Variants in PDE1C observed in about 807,000 individuals in gnomAD.
The protein encoded by PDE1C is dual specificity calcium/calmodulin-dependent 3',5'-cyclic nucleotide phosphodiesterase 1C.
A neutral mutation model predicts 93.1 loss-of-function variants in PDE1C; 62 were observed. The ratio of observed to expected loss-of-function variants is 0.67; its 90% CI spans 0.54 to 0.82. PDE1C has a LOEUF of 0.82. Among genes scored for constraint, PDE1C ranks in the 40% least tolerant of loss-of-function variants. PDE1C has a pLI of 0.00. For missense variants in PDE1C, 742 were observed against 884.6 expected (o/e 0.84, Z 2.04); for synonymous variants, 325 against 310.1 (o/e 1.05, Z -0.50).
At chr7:32,416,769 G>A (rs758955180) in intron 1 of PDE1C, among the ~76,000 whole-genome samples, 6 of 152,112 alleles carry the variant, frequency 3.9e-5, no homozygotes, top group Non-Finnish European at 4.4e-5. Flanking sequence ...TTTGGAAAAA[G>A]TGAAGAGTCT....
chr7:31,664,915 T>C, the PDE1C span, among the ~76,000 whole-genome samples: 1 of 152,184 alleles, frequency 6.6e-6, no homozygotes, highest in Non-Finnish European at 1.5e-5. Flanking sequence ...AGAGTGGCCT[T>C]TTATAAACAT....
At chr7:32,127,562 A>G (rs1353006451) in intron 3 of PDE1C, among the ~76,000 whole-genome samples, 1 of 152,120 alleles carries the variant, frequency 6.6e-6, no homozygotes, top group Non-Finnish European at 1.5e-5. Flanking sequence ...ATAGAACCAA[A>G]TAAGAAGTCA....
At chr7:32,102,605 T>C (rs553510326) in intron 3 of PDE1C, among the ~76,000 whole-genome samples, 2 of 152,346 alleles carry the variant, frequency 1.3e-5, no homozygotes, top group Admixed American at 6.5e-5. Context: ...GAAGAGGCAA[T>C]TGTCCAGGAA....
At chr7:31,868,643 G>T (rs551176242) in intron 6 of PDE1C, among the ~76,000 whole-genome samples, 14 of 152,176 alleles carry the variant, frequency 9.2e-5, no homozygotes, top group Non-Finnish European at 1.8e-4. Flanking sequence ...AATACTAGTG[G>T]AAAAATTCCC....
At chr7:32,022,066 T>C (rs1031792230) in intron 2 of PDE1C, among the ~76,000 whole-genome samples, 2 of 152,044 alleles carry the variant, frequency 1.3e-5, no homozygotes, top group African/African-American at 4.8e-5. Context: ...TGGCTCTTAA[T>C]TCTTTCTACT....
At chr7:32,319,077 G>A (rs1053717145) in intron 1 of PDE1C, among the ~76,000 whole-genome samples, 4 of 152,176 alleles carry the variant, frequency 2.6e-5, no homozygotes, top group African/African-American at 4.8e-5. Flanking sequence ...CATGTCCCTC[G>A]TTCTCCCGCG....
chr7:32,138,412 C>T (rs1247107372), intron 3 of PDE1C, among the ~76,000 whole-genome samples: 1 of 152,082 alleles, frequency 6.6e-6, no homozygotes, highest in East Asian at 1.9e-4. Flanking sequence ...ATCAACAGAT[C>T]CTCAGAACTC....
At chr7:31,902,054 T>C (rs946755091) in intron 2 of PDE1C, among the ~76,000 whole-genome samples, 1 of 151,364 alleles carries the variant, frequency 6.6e-6, no homozygotes, top group African/African-American at 2.4e-5. Flanking sequence ...ATATAATTTG[T>C]GAGTGGAAAA....
At chr7:32,082,256 A>T (rs988943838) in intron 3 of PDE1C, among the ~76,000 whole-genome samples, 1 of 152,234 alleles carries the variant, frequency 6.6e-6, no homozygotes. Flanking sequence ...AGTCTCGCTG[A>T]TTGCTAGCAC....
intron 3 of PDE1C, among the ~76,000 whole-genome samples, chr7:32,156,610 A>C (rs6462338): frequency 4.2e-4 from 64 of 151,952 alleles, no homozygotes; most frequent in Admixed American, 7.2e-4. Flanking sequence ...GTAGGGTGAA[A>C]ATACAATGGC....
rs140024992 is a variant in PDE1C at position 31,902,713 on chromosome 7, C to T, written c.129-21853G>A. The stretch of plus-strand genomic sequence containing the variant: ...TTAAAAACATTATTGTAATATCACA[C>T]GATGAAAAAATCTTCAATTTTTATA... On this transcript the variant is annotated intron_variant, in intron 2 of 17. Coordinates refer to ENST00000396191, the MANE Select transcript of PDE1C (RefSeq NM_001191057.4). Among the ~76,000 whole-genome samples the T allele has an allele frequency of 4.0e-5, 6 of 151,494 alleles. No homozygotes were observed. The South Asian group carries it at 6.2e-4, about 16-fold the overall frequency.
chr7:32,090,797 G>T (rs1797428917), intron 3 of PDE1C, among the ~76,000 whole-genome samples: 1 of 152,168 alleles, frequency 6.6e-6, no homozygotes, highest in Non-Finnish European at 1.5e-5. Context: ...CCCTCCTGGA[G>T]ACCATCCAAA....
At chr7:31,646,546 C>G in the PDE1C span, among the ~76,000 whole-genome samples, 1 of 152,164 alleles carries the variant, frequency 6.6e-6, no homozygotes, top group East Asian at 1.9e-4. Flanking sequence ...AAACCTGGGC[C>G]AGCTCCAGGG....
intron 2 of PDE1C, among the ~76,000 whole-genome samples, chr7:31,895,082 G>T (rs1799110040): frequency 6.6e-6 from 1 of 151,946 alleles, no homozygotes; most frequent in Non-Finnish European, 1.5e-5. Flanking sequence ...TGAGATAGAG[G>T]AAGGCCACAG....
chr7:32,194,253 A>G (rs1412768082), intron 2 of PDE1C, among the ~76,000 whole-genome samples: 1 of 152,276 alleles, frequency 6.6e-6, no homozygotes, highest in South Asian at 2.1e-4. Context: ...CTAAGTCATC[A>G]AATATATCTG....
At chr7:31,820,530 C>T (rs1380568430) in intron 14 of PDE1C, 1 of 152,034 alleles carries the variant, frequency 6.6e-6, no homozygotes, top group African/African-American at 2.4e-5. Context: ...TTCTTGCCTA[C>T]CTAGTTTTGT....
intron 1 of PDE1C, among the ~76,000 whole-genome samples, chr7:32,358,482 C>T (rs215698): frequency 0.62 from 94,078 of 152,006 alleles, 30,285 homozygotes; most frequent in Admixed American, 0.76. Flanking sequence ...TGGTAAGGAT[C>T]GAATCAGAGC....
rs188516069 is a variant in PDE1C at position 32,162,671 on chromosome 7, C to A, written c.308+7114G>T. On this transcript the variant is annotated intron_variant, in intron 3 of 18. Coordinates refer to the PDE1C transcript ENST00000396193. ...GGAACAGCTGACCTTAGGGTCCCTG[C>A]CATGCTCAGTCATCGCCAATGGGTT... 4.4e-3 allele frequency among the ~76,000 whole-genome samples: 669 copies of A among 152,232 alleles called. 5 individuals carry two copies. Among genetic ancestry groups the A allele is most frequent in the African/African-American group, 0.015 (639 of 41,542 alleles).
intron 2 of PDE1C, among the ~76,000 whole-genome samples, chr7:31,891,037 T>C (rs1178084934): frequency 6.6e-6 from 1 of 152,214 alleles, no homozygotes; most frequent in East Asian, 1.9e-4. Context: ...ACACCTCCTG[T>C]GACTCAGAAC....
Sources: gnomAD v4.1 joint callset for allele counts (sites outside exome capture counted in the v4.1 genomes callset) on GRCh38, gnomAD v4.1.1 for gene constraint, MANE v1.5 for transcripts, NCBI Gene and HGNC (gene_info 2026-07-23, HGNC 2026-07-21) for gene names.